Variants in PDZD2 observed in about 807,000 individuals in gnomAD.
The protein encoded by PDZD2 is PDZ domain-containing protein 2.
In PDZD2, 90 loss-of-function variants were observed where a neutral mutation model predicts 220.7. The observed-to-expected ratio is 0.41, with a 90% CI of 0.34 to 0.49. The LOEUF is 0.49. PDZD2 is among the 20% of genes least tolerant of loss of function. The pLI is 0.28. For missense variants in PDZD2, 3,174 were observed against 3,608.5 expected (o/e 0.88, Z 3.08); for synonymous variants, 1,375 against 1,450.5 (o/e 0.95, Z 1.18).
intron 2 of PDZD2, among the ~76,000 whole-genome samples, chr5:31,900,130 G>A (rs1204532613): frequency 6.6e-6 from 1 of 152,210 alleles, no homozygotes; most frequent in African/African-American, 2.4e-5. Flanking sequence ...AGGATTTTGA[G>A]AATGGCAGAG....
intron 2 of PDZD2, among the ~76,000 whole-genome samples, chr5:31,896,366 G>GTGTA (rs1554091106): frequency 7.1e-6 from 1 of 141,666 alleles, no homozygotes; most frequent in Admixed American, 7.0e-5. Context: ...GTGTGTGTGT[G>GTGTA]TATGTGTGTG....
intron 17 of PDZD2, among the ~76,000 whole-genome samples, chr5:32,072,878 G>C (rs1740890727): frequency 6.6e-6 from 1 of 152,120 alleles, no homozygotes; most frequent in Non-Finnish European, 1.5e-5. Context: ...CATCAAATCA[G>C]GATGGGCAAC....
At chr5:31,799,834 A>T (rs991736709) in intron 2 of PDZD2, 110 bp downstream of exon 2, 1 of 721,866 alleles carries the variant, frequency 1.4e-6, no homozygotes, top group African/African-American at 1.8e-5. Context: ...AGCTGATGGC[A>T]TAAGAAATGT....
intron 5 of PDZD2, among the ~76,000 whole-genome samples, chr5:32,005,053 T>C (rs941206861): frequency 6.6e-6 from 1 of 152,182 alleles, no homozygotes; most frequent in Non-Finnish European, 1.5e-5. Flanking sequence ...CCATCCAAGG[T>C]CCTCATCCAC....
intron 1 of PDZD2, among the ~76,000 whole-genome samples, chr5:31,780,838 GT>G (rs1753022456): frequency 6.6e-6 from 1 of 152,190 alleles, no homozygotes; most frequent in Non-Finnish European, 1.5e-5. Flanking sequence ...CTGGAGCAGG[GT>G]AGCAGCAGCA....
At chr5:31,986,955 T>C (rs1207385972) in intron 3 of PDZD2, among the ~76,000 whole-genome samples, 1 of 152,214 alleles carries the variant, frequency 6.6e-6, no homozygotes, top group Non-Finnish European at 1.5e-5. Flanking sequence ...TAAAAAATGG[T>C]ATTTTCTATA....
intron 2 of PDZD2, among the ~76,000 whole-genome samples, chr5:31,982,924 T>C (rs1750412576): frequency 6.6e-6 from 1 of 152,210 alleles, no homozygotes; most frequent in African/African-American, 2.4e-5. Context: ...ATTAGTCATT[T>C]CTAGTTCATG....
intron 1 of PDZD2, among the ~76,000 whole-genome samples, chr5:31,732,214 C>T (rs1303819877): frequency 6.6e-6 from 1 of 152,062 alleles, no homozygotes; most frequent in East Asian, 1.9e-4. Flanking sequence ...CTTTTTTAAA[C>T]CTGGAATCCA....
At chr5:31,972,738 C>T (rs1295906003) in intron 2 of PDZD2, among the ~76,000 whole-genome samples, 1 of 152,166 alleles carries the variant, frequency 6.6e-6, no homozygotes, top group South Asian at 2.1e-4. Flanking sequence ...TTCCTCAGTT[C>T]CCTGATGAGG....
chr5:31,865,166 T>C (rs1738099400), intron 2 of PDZD2, among the ~76,000 whole-genome samples: 1 of 152,074 alleles, frequency 6.6e-6, no homozygotes, highest in Non-Finnish European at 1.5e-5. Flanking sequence ...CATCTTATTC[T>C]TGTGTCTATT....
intron 1 of PDZD2, among the ~76,000 whole-genome samples, chr5:31,782,359 A>C (rs1297556673): frequency 6.6e-6 from 1 of 152,190 alleles, no homozygotes; most frequent in African/African-American, 2.4e-5. Context: ...TCAGAAATTC[A>C]TTTTTAACTG....
chr5:31,724,986 G>A (rs930252367), intron 1 of PDZD2, among the ~76,000 whole-genome samples: 2 of 152,068 alleles, frequency 1.3e-5, no homozygotes, highest in African/African-American at 4.8e-5. Context: ...AATATACAGA[G>A]ACACCACAAA....
At chr5:32,071,239 T>C in intron 15 of PDZD2, 145 bp from the exon 16 acceptor site, 2 of 728,946 alleles carry the variant, frequency 2.7e-6, no homozygotes, top group Non-Finnish European at 5.0e-6. Context: ...TGCATGCACG[T>C]CTAACCCTGT....
intron 2 of PDZD2, among the ~76,000 whole-genome samples, chr5:31,900,543 C>T (rs1741999428): frequency 6.6e-6 from 1 of 152,138 alleles, no homozygotes; most frequent in South Asian, 2.1e-4. Context: ...CCTGCAGGAT[C>T]TGGCCAGTCC....
chr5:31,921,863 A>G (rs992928344), intron 2 of PDZD2, among the ~76,000 whole-genome samples: 1 of 152,182 alleles, frequency 6.6e-6, no homozygotes, highest in Non-Finnish European at 1.5e-5. Flanking sequence ...AGTTAAATAC[A>G]AACCAGAGAG....
chr5:32,025,291 TGAG>T lies in PDZD2; in HGVS notation c.1408-11935_1408-11933del, dbSNP rs771027119. ...CTGTAATCCCAGCACTTTGGGAGGC[TGAG>T]GAGGGCGGATCACCTGAGGTCAGGA... is the stretch of plus-strand genomic sequence containing the variant. On this transcript the variant is annotated intron_variant, in intron 6 of 24. Transcript: ENST00000438447. 1.4e-4 allele frequency among the ~76,000 whole-genome samples: 21 copies of T among 152,070 alleles called. No individual in the cohort carries two copies. The East Asian group carries it at 2.3e-3, about 17-fold the overall frequency.
chr5:32,033,164 A>G (rs1755255934), intron 6 of PDZD2, among the ~76,000 whole-genome samples: 1 of 152,192 alleles, frequency 6.6e-6, no homozygotes, highest in South Asian at 2.1e-4. Context: ...CCAGGAGAAC[A>G]TTTTGCAAAT....
intron 2 of PDZD2, among the ~76,000 whole-genome samples, chr5:31,895,071 G>T (rs944195327): frequency 2.5e-4 from 38 of 152,132 alleles, no homozygotes; most frequent in Admixed American, 2.5e-3. Context: ...TGTATTTTTA[G>T]TAGAGACGGG....
intron 1 of PDZD2, among the ~76,000 whole-genome samples, chr5:31,647,375 C>T (rs1043289994): frequency 1.3e-5 from 2 of 152,180 alleles, no homozygotes; most frequent in Non-Finnish European, 2.9e-5. Context: ...GAAATTAGCA[C>T]AAACTTGTTG....
Sources: gnomAD v4.1 joint callset for allele counts (sites outside exome capture counted in the v4.1 genomes callset) on GRCh38, gnomAD v4.1.1 for gene constraint, MANE v1.5 for transcripts, NCBI Gene and HGNC (gene_info 2026-07-23, HGNC 2026-07-21) for gene names.